Variants in ATG13 observed in about 807,000 individuals in gnomAD.
ATG13 encodes the protein autophagy-related protein 13.
In ATG13, 23 loss-of-function variants were observed where a neutral mutation model predicts 65.5. That is an observed-to-expected ratio of 0.35 (90% CI 0.25 to 0.50). The LOEUF is 0.50. ATG13 is among the 20% of genes least tolerant of loss of function. ATG13 has a pLI of 0.98. For missense variants in ATG13, 566 were observed against 677.0 expected, an observed-to-expected ratio of 0.84 and a Z score of 1.82; for synonymous variants, 252 against 245.2, an observed-to-expected ratio of 1.03 and a Z score of -0.26.
intron 18 of ATG13, among the ~76,000 whole-genome samples, chr11:46,671,233 T>TA (rs1202939646): frequency 6.6e-6 from 1 of 152,242 alleles, no homozygotes; most frequent in Admixed American, 6.5e-5. Context: ...CGCTCCCTTG[T>TA]GGTCGTGTTT....
intron 1 of ATG13, among the ~76,000 whole-genome samples, chr11:46,623,485 T>G (rs1207703299): frequency 6.6e-6 from 1 of 152,048 alleles, no homozygotes; most frequent in Admixed American, 6.6e-5. Flanking sequence ...TGGAGTGCAG[T>G]GGCGCAGTCT....
chr11:46,636,852 C>T (rs1056506838), intron 2 of ATG13, among the ~76,000 whole-genome samples: 2 of 152,006 alleles, frequency 1.3e-5, no homozygotes, highest in Admixed American at 6.6e-5. Context: ...CTCAGCCTCC[C>T]GAGTAGCGGG....
intron 2 of ATG13, among the ~76,000 whole-genome samples, chr11:46,641,075 TTTTA>T (rs931524683): frequency 3.9e-5 from 6 of 152,168 alleles, no homozygotes; most frequent in Admixed American, 6.5e-5. Flanking sequence ...ATCAGTAGAA[TTTTA>T]TTTATTTATT....
At chr11:46,648,777 T>TAA (rs540301936) in intron 5 of ATG13, 46 of 118,818 alleles carry the variant, frequency 3.9e-4, no homozygotes, top group African/African-American at 6.7e-4. Context: ...ACTCTGTCTT[T>TAA]AAAAAAAAAA....
intron 11 of ATG13, 26 bp downstream of exon 11, chr11:46,659,511 G>A: frequency 1.3e-6 from 2 of 1,578,340 alleles, no homozygotes; most frequent in Non-Finnish European, 1.7e-6. Flanking sequence ...TTCTGGGGTG[G>A]TGGTAGTTAT....
At chr11:46,630,137 A>G (rs2051179960) in intron 2 of ATG13, 37 bp downstream of exon 2, 1 of 152,176 alleles carries the variant, frequency 6.6e-6, no homozygotes, top group Non-Finnish European at 1.5e-5. Context: ...TTTAAGCCAT[A>G]TAAAATTATA....
intron 10 of ATG13, among the ~76,000 whole-genome samples, chr11:46,658,405 G>A (rs2060454868): frequency 6.6e-6 from 1 of 152,176 alleles, no homozygotes; most frequent in African/African-American, 2.4e-5. Flanking sequence ...TTAAGAAAAT[G>A]CTCTCTCAGA....
intron 7 of ATG13, among the ~76,000 whole-genome samples, chr11:46,655,419 A>G (rs1383275121): frequency 6.6e-6 from 1 of 151,886 alleles, no homozygotes; most frequent in Non-Finnish European, 1.5e-5. Context: ...CAAACAAACA[A>G]AAAAACAGCC....
intron 11 of ATG13, among the ~76,000 whole-genome samples, chr11:46,663,172 A>G (rs559765991): frequency 5.8e-4 from 84 of 145,694 alleles, no homozygotes; most frequent in African/African-American, 2.0e-3. Context: ...AGGCTGAGGC[A>G]GGAGAATGGC....
chr11:46,667,784 A>G lies in ATG13; in HGVS notation c.1148A>G (p.Glu383Gly). 5.6e-6 allele frequency: 9 copies of G among 1,604,254 alleles called. No homozygotes were observed. Among genetic ancestry groups the G allele is most frequent in the Non-Finnish European group, 7.7e-6 (9 of 1,171,780 alleles). Residue 383 changes from glutamate to glycine, a missense_variant, in exon 15 of 19, where the codon GAA becomes GGA. Physicochemically the swap from Glu to Gly is moderately conservative, Grantham distance 98. This residue lies in a region of ATG13 where 387 missense variants were observed against 409.8 expected (regional missense o/e 0.94). Coordinates refer to ENST00000683050, the MANE Select transcript of ATG13 (RefSeq NM_001346311.2). ...AATPSSSEDT[E>G]TVSNSSEGRA... ...CCTTTCTCCTCCAGTGAGGATACTG[A>G]AACCGTATCAAACAGCAGTGAGGGA...
At chr11:46,668,089 G>T (rs184328377) in intron 15 of ATG13, among the ~76,000 whole-genome samples, 136 of 152,294 alleles carry the variant, frequency 8.9e-4, no homozygotes, top group African/African-American at 3.1e-3. Flanking sequence ...CTATTGTCCT[G>T]TGACCTTTTA....
At chr11:46,623,853 C>T (rs1176475630) in intron 1 of ATG13, among the ~76,000 whole-genome samples, 2 of 151,706 alleles carry the variant, frequency 1.3e-5, no homozygotes, top group East Asian at 1.9e-4. Flanking sequence ...CACTCTTTAC[C>T]ACATTACTTT....
At chr11:46,651,137 CT>C (rs1354620972) in intron 7 of ATG13, among the ~76,000 whole-genome samples, 3 of 152,136 alleles carry the variant, frequency 2.0e-5, no homozygotes, top group Non-Finnish European at 2.9e-5. Flanking sequence ...AACTTAAGAA[CT>C]ATACAGAGGC....
chr11:46,622,743 A>T (rs2048162020), intron 1 of ATG13, among the ~76,000 whole-genome samples: 1 of 152,212 alleles, frequency 6.6e-6, no homozygotes, highest in South Asian at 2.1e-4. Flanking sequence ...TGTTTTTCAT[A>T]TCCAAAACTT....
rs1214724153 is a variant in ATG13, at chr11:46,645,958, T to C, written c.239T>C (p.Met80Thr). 1.9e-6 allele frequency: 3 copies of C among 1,613,962 alleles called. No homozygotes were observed. The highest frequency in any genetic ancestry group is 1.7e-5 in the Admixed American group (1 of 60,002). ...AGQLPAVGRS[M>T]CVEISLKTSE... is the part of the protein sequence containing the mutation. ...CAGCTGCCTGCAGTCGGGAGGTCCA[T>C]GTGTGTGGAGATTTCACTTAAGACT... Residue 80 changes from methionine to threonine, a missense_variant, in exon 5 of 19, where the codon ATG becomes ACG. Around this residue, in one of 2 missense-constraint regions of ATG13, gnomAD observed 179 missense variants for 267.2 expected, o/e 0.67. Transcript: ENST00000683050.
chr11:46,665,997 G>A (rs1441877111), intron 14 of ATG13, among the ~76,000 whole-genome samples: 1 of 151,814 alleles, frequency 6.6e-6, no homozygotes, highest in Non-Finnish European at 1.5e-5. Context: ...TAGAGATGGG[G>A]GGTCTCGTCA....
At chr11:46,648,027 G>C (rs2058076951) in intron 5 of ATG13, among the ~76,000 whole-genome samples, 1 of 152,148 alleles carries the variant, frequency 6.6e-6, no homozygotes. Flanking sequence ...TATAATGAAA[G>C]GTAAATAGAA....
At chr11:46,640,368 C>T (rs1190292674) in intron 2 of ATG13, among the ~76,000 whole-genome samples, 1 of 152,150 alleles carries the variant, frequency 6.6e-6, no homozygotes, top group African/African-American at 2.4e-5. Flanking sequence ...AAATAGGTTC[C>T]ATCAGAATGG....
At chr11:46,639,551 A>G (rs1427345547) in intron 2 of ATG13, among the ~76,000 whole-genome samples, 1 of 152,156 alleles carries the variant, frequency 6.6e-6, no homozygotes, top group Non-Finnish European at 1.5e-5. Flanking sequence ...TTCGTGCAGC[A>G]AGTGAGTATG....
Sources: gnomAD v4.1 joint callset for allele counts (sites outside exome capture counted in the v4.1 genomes callset) on GRCh38, gnomAD v4.1.1 for gene constraint, gnomAD v4.1.1 regional missense constraint, MANE v1.5 for transcripts, NCBI Gene and HGNC (gene_info 2026-07-23, HGNC 2026-07-21) for gene names.